CD109: variants seen among roughly 807,000 people sequenced by gnomAD.
The protein encoded by CD109 is CD109 molecule.
Under a neutral mutation model 165.8 loss-of-function variants are expected in CD109, and 149 were observed. The ratio of observed to expected loss-of-function variants is 0.90; its 90% confidence interval spans 0.79 to 1.03. The LOEUF (loss-of-function observed/expected upper bound fraction) is 1.03. CD109 is among the 50% of genes least tolerant of loss of function. The pLI, the probability that CD109 is intolerant of heterozygous loss-of-function variation, is 0.00. For missense variants in CD109, 1,712 were observed against 1,677.8 expected (o/e 1.02, Z -0.36); for synonymous variants, 585 against 592.1 (o/e 0.99, Z 0.18).
chr6:73,783,013 C>G (rs1482254966), intron 18 of CD109, among the ~76,000 whole-genome samples: 1 of 146,540 alleles, frequency 6.8e-6, no homozygotes, highest in Non-Finnish European at 1.5e-5. Flanking sequence ...GTGATTTTGA[C>G]TTCCTTGAAG....
chr6:73,823,156 T>G (rs1385074915), intron 32 of CD109, among the ~76,000 whole-genome samples: 1 of 152,208 alleles, frequency 6.6e-6, no homozygotes, highest in Non-Finnish European at 1.5e-5. Flanking sequence ...TTCTCCCTGA[T>G]GCAGTAAGAG....
At chr6:73,711,161 G>A (rs370172665) in intron 2 of CD109, among the ~76,000 whole-genome samples, 2 of 151,950 alleles carry the variant, frequency 1.3e-5, no homozygotes, top group Non-Finnish European at 1.5e-5. Context: ...TTGACTCTGG[G>A]TTTTTCATTT....
chr6:73,725,685 G>GT (rs1208115231), intron 3 of CD109, among the ~76,000 whole-genome samples: 8 of 151,250 alleles, frequency 5.3e-5, no homozygotes, highest in Admixed American at 2.0e-4. Flanking sequence ...ATTTTTTTTT[G>GT]TATTTTTAGT....
At chr6:73,787,527 G>A in intron 21 of CD109, 75 bp downstream of exon 21, 1 of 1,181,110 alleles carries the variant, frequency 8.5e-7, no homozygotes, top group Non-Finnish European at 1.2e-6. Context: ...TTTTCTCTTG[G>A]TTAAATTTGT....
At chr6:73,803,391 A>G (rs969961051) in intron 24 of CD109, 90 bp downstream of exon 24, 3 of 870,816 alleles carry the variant, frequency 3.4e-6, no homozygotes, top group Admixed American at 4.9e-5. Context: ...ATATATCTCT[A>G]TATATTATAG....
intron 15 of CD109, among the ~76,000 whole-genome samples, chr6:73,777,147 G>A (rs1042776678): frequency 4.0e-5 from 6 of 151,412 alleles, no homozygotes; most frequent in South Asian, 2.1e-4. Context: ...TAGTAGAGAT[G>A]GGGTTTCTTC....
At chr6:73,788,406 G>T in intron 21 of CD109, 62 bp from the exon 22 acceptor site, 1 of 1,487,314 alleles carries the variant, frequency 6.7e-7, no homozygotes, top group Non-Finnish European at 9.1e-7. Flanking sequence ...TCATATCTGC[G>T]TATAGTTCTC....
chr6:73,789,862 A>G (rs1774856582), intron 22 of CD109, among the ~76,000 whole-genome samples: 1 of 149,636 alleles, frequency 6.7e-6, no homozygotes, highest in African/African-American at 2.5e-5. Flanking sequence ...TTGGGGTTCA[A>G]GCGAGTCTCC....
At chr6:73,741,183 G>A (rs1228873278) in intron 5 of CD109, among the ~76,000 whole-genome samples, 2 of 151,902 alleles carry the variant, frequency 1.3e-5, no homozygotes. Context: ...CTTAAAATCA[G>A]TAAAGTTTAG....
At chr6:73,743,318 A>G (rs374161884) in intron 5 of CD109, among the ~76,000 whole-genome samples, 117 of 152,292 alleles carry the variant, frequency 7.7e-4, no homozygotes, top group Middle Eastern at 3.4e-3. Flanking sequence ...AGAGGTGGGG[A>G]ACAAGAAATA....
intron 7 of CD109, among the ~76,000 whole-genome samples, 185 bp downstream of exon 7, chr6:73,759,213 C>T (rs534440138): frequency 6.6e-6 from 1 of 152,308 alleles, no homozygotes; most frequent in Admixed American, 6.5e-5. Context: ...CTGCATCTAT[C>T]ACTCTGCTTG....
chr6:73,697,404 C>CG lies in CD109; in HGVS notation c.81dup (p.Phe28ValfsTer54). On this transcript the variant is annotated frameshift_variant, in exon 2 of 33. Coordinates refer to ENST00000287097, the MANE Select transcript of CD109 (RefSeq NM_133493.5). LOFTEE classifies it high-confidence loss of function. ...CCCTTGTTGGGAACTCTTTAGGCCT[C>CG]GGTTTCTGGTGACAGCCCCAGGGAT... 1 of 1,613,702 alleles carries CG rather than the reference C, an allele frequency of 6.2e-7. No individual in the cohort carries two copies. The highest frequency in any genetic ancestry group is 8.5e-7 in the Non-Finnish European group (1 of 1,179,898).
chr6:73,820,580 G>A lies in CD109; in HGVS notation c.4162+17G>A, dbSNP rs773869233. On this transcript the variant is annotated intron_variant, in intron 32 of 32. Coordinates refer to ENST00000287097, the MANE Select transcript of CD109 (RefSeq NM_133493.5). ...ATGAGCCAAGTAAGTATGCTCTGGA[G>A]TTCTTAATACTTTAGAAATTAAGCC... 2.8e-5 allele frequency: 39 copies of A among 1,379,436 alleles called. No individual in the cohort carries two copies. Among genetic ancestry groups the A allele is most frequent in the Non-Finnish European group, 4.0e-5 (39 of 982,336 alleles). The allele number at this position is 1,379,436 out of a possible 1,614,324, so 85.4% of individuals were successfully genotyped here. A position where few individuals can be genotyped will look rare whatever the true frequency, so the allele number is the denominator to read the frequency against.
chr6:73,759,827 A>C (rs191551203), intron 7 of CD109, among the ~76,000 whole-genome samples: 2 of 152,036 alleles, frequency 1.3e-5, no homozygotes, highest in Non-Finnish European at 2.9e-5. Context: ...TTTGATGCTC[A>C]GGTTGCTAAC....
chr6:73,723,149 C>T (rs1224485641), intron 2 of CD109, 102 bp from the exon 3 acceptor site: 3 of 1,582,830 alleles, frequency 1.9e-6, no homozygotes, highest in African/African-American at 2.7e-5. Context: ...TTTATGATTC[C>T]ACCTACACAT....
chr6:73,688,545 A>G, the CD109 span, among the ~76,000 whole-genome samples: 2 of 152,076 alleles, frequency 1.3e-5, no homozygotes, highest in Non-Finnish European at 1.5e-5. Context: ...CTGTGCGATG[A>G]GAGAGTCTTT....
At position 73,810,038 on chromosome 6, in the gene CD109, C is replaced by T. The variant is rs1775696583; in HGVS notation, c.3410C>T (p.Pro1137Leu). 2.5e-6 allele frequency: 4 copies of T among 1,605,770 alleles called. No individual in the cohort carries two copies. In the Admixed American group the frequency reaches 6.9e-5, roughly 28 times the overall value. Residue 1137 changes from proline to leucine, a missense_variant, in exon 27 of 33, where the codon CCA (proline) becomes CTA (leucine). Pro to Leu is a moderately conservative substitution (Grantham distance 98). Transcript: ENST00000287097. ...SESKLSDSWQ[P>L]RSLDIEVAAY... ...TCCAAACTTTCTGACTCCTGGCAGC[C>T]ACGCTCCCTGGATATTGAAGTTGCA...
intron 2 of CD109, among the ~76,000 whole-genome samples, chr6:73,717,060 G>A (rs1390436773): frequency 6.6e-6 from 1 of 152,096 alleles, no homozygotes; most frequent in Non-Finnish European, 1.5e-5. Context: ...TATGTTCTTG[G>A]CACCTTTGTC....
In CD109 at chr6:73,750,309, C is replaced by T. The variant is rs562845423; in HGVS notation, c.634-6334C>T. On this transcript the variant is annotated intron_variant, in intron 5 of 32. Transcript: ENST00000287097. Reference sequence around the variant, plus strand: ...GCTAGATGTATTTGGACTGAGCCATCAGAAATCACATTTAGGAGCAAAGCA... The same window carrying T: ...GCTAGATGTATTTGGACTGAGCCATTAGAAATCACATTTAGGAGCAAAGCA... 9.2e-5 allele frequency among the ~76,000 whole-genome samples: 14 copies of T among 152,176 alleles called. 1 individual carries two copies. The highest frequency in any genetic ancestry group is 2.9e-4 in the African/African-American group (12 of 41,518).
Sources: allele counts gnomAD v4.1 joint callset (sites outside exome capture counted in the v4.1 genomes callset), GRCh38; gene constraint gnomAD v4.1.1; transcripts MANE v1.5; gene names NCBI Gene and HGNC (gene_info 2026-07-23, HGNC 2026-07-21).